Variants in NOX5 observed in about 807,000 individuals in gnomAD.
NOX5 encodes NADPH oxidase, EF-hand calcium binding domain 5.
Under a neutral mutation model 85.7 loss-of-function variants are expected in NOX5, and 76 were observed. The ratio of observed to expected loss-of-function variants is 0.89; its 90% CI spans 0.74 to 1.07. NOX5 has a LOEUF of 1.07. Among genes scored for constraint, NOX5 ranks in the 50% least tolerant of loss-of-function variants. The pLI, the probability that NOX5 is intolerant of heterozygous loss-of-function variation, is 0.00. For missense variants in NOX5, 973 were observed against 999.5 expected, an observed-to-expected ratio of 0.97 and a Z score of 0.36; for synonymous variants, 405 against 401.4, an observed-to-expected ratio of 1.01 and a Z score of -0.11.
At chr15:69,046,704 C>T in intron 10 of NOX5, 118 bp from the exon 11 acceptor site, 1 of 906,542 alleles carries the variant, frequency 1.1e-6, no homozygotes. Flanking sequence ...ATGGTTTGGG[C>T]AGAAAAAGCA....
Position 69,038,986 on chromosome 15 carries a change from A to G in NOX5, c.1501A>G (p.Lys501Glu), listed in dbSNP as rs2050558159. The G allele has an allele frequency of 6.2e-7, 1 of 1,614,088 alleles. No homozygotes were observed. Among genetic ancestry groups the G allele is most frequent in the Non-Finnish European group, 8.5e-7 (1 of 1,180,000 alleles). ...PFTISSAPEQ[K>E]DTIWLHIRSQ... ...CACCATCAGCAGTGCTCCTGAGCAG[A>G]AAGGTAATGGCCACCTCCTCCAGTC... The change falls in exon 9 of 16, where the codon AAA becomes GAA. Residue 501 changes from lysine (K) to glutamate (E), a missense_variant. By Grantham distance (56) the Lys-to-Glu change is moderately conservative. Transcript: ENST00000388866.
intron 1 of NOX5, 46 bp from the exon 2 acceptor site, chr15:69,026,482 G>A (rs775566447): frequency 6.2e-7 from 1 of 1,612,910 alleles, no homozygotes. Context: ...ACCTCATAAG[G>A]CTTTGGCCAC....
At chr15:69,031,116 C>G (rs2140256752) in intron 3 of NOX5, 1 of 191,892 alleles carries the variant, frequency 5.2e-6, no homozygotes, top group East Asian at 1.3e-4. Context: ...TGTGGCCCCT[C>G]TCAAGACAAC....
At chr15:69,041,937 C>T (rs2050599663) in intron 9 of NOX5, among the ~76,000 whole-genome samples, 1 of 151,758 alleles carries the variant, frequency 6.6e-6, no homozygotes, top group South Asian at 2.1e-4. Flanking sequence ...TGGCCCAAGA[C>T]AATTCTTGTA....
chr15:69,055,964 A>C (rs1241416578), intron 15 of NOX5, among the ~76,000 whole-genome samples: 2 of 152,182 alleles, frequency 1.3e-5, no homozygotes, highest in Non-Finnish European at 2.9e-5. Flanking sequence ...GTTTGCAGGA[A>C]GTGGCCCAGA....
At position 69,031,513 on chromosome 15, in the gene NOX5, T is replaced by C. The variant is rs2050429231; in HGVS notation, c.326-5T>C. On this transcript the variant is annotated splice_polypyrimidine_tract_variant and splice_region_variant and intron_variant, in intron 3 of 15. Coordinates refer to ENST00000388866, the MANE Select transcript of NOX5 (RefSeq NM_024505.4). ...TAAACAGAAGAGGCCCACCACTTCTTGCAGTGTGTGCACGGCAGGGGGCGT... is the reference window on the plus strand; with the variant it reads ...TAAACAGAAGAGGCCCACCACTTCTCGCAGTGTGTGCACGGCAGGGGGCGT... 1 of 1,600,032 alleles carries C rather than the reference T, an allele frequency of 6.2e-7. No individual in the cohort carries two copies. The highest frequency in any genetic ancestry group is 1.1e-5 in the South Asian group (1 of 90,860).
At chr15:69,027,062 C>T (rs1219800965) in intron 2 of NOX5, among the ~76,000 whole-genome samples, 2 of 152,106 alleles carry the variant, frequency 1.3e-5, no homozygotes, top group Non-Finnish European at 2.9e-5. Context: ...GCCTGCATGC[C>T]CTGACACACA....
At chr15:69,021,634 C>A (rs1184556765) in intron 1 of NOX5, among the ~76,000 whole-genome samples, 4 of 152,148 alleles carry the variant, frequency 2.6e-5, no homozygotes, top group South Asian at 2.1e-4. Context: ...ATTTTGAATT[C>A]TTAAATAATT....
chr15:69,054,275 C>T (rs2050783476), intron 14 of NOX5, among the ~76,000 whole-genome samples: 1 of 152,206 alleles, frequency 6.6e-6, no homozygotes, highest in East Asian at 1.9e-4. Context: ...CTGGGAGCCC[C>T]TGAGTGCTGA....
At chr15:69,053,975 C>G (rs147110530) in intron 14 of NOX5, among the ~76,000 whole-genome samples, 54 of 152,104 alleles carry the variant, frequency 3.6e-4, no homozygotes, top group African/African-American at 1.1e-3. Flanking sequence ...GACCTTAGGC[C>G]AAATGAAAAA....
rs1292021991 is a variant in NOX5 at position 69,056,863 on chromosome 15, A to G, written c.*167A>G. 8.1e-6 allele frequency: 6 copies of G among 739,644 alleles called. No individual in the cohort carries two copies. Among genetic ancestry groups the G allele is most frequent in the Non-Finnish European group, 1.3e-5 (6 of 476,820 alleles). 45.8% of individuals were successfully genotyped at this position (739,644 alleles called of 1,614,324 possible). On this transcript the variant is annotated 3_prime_UTR_variant, in exon 16 of 16. Coordinates refer to ENST00000388866, the MANE Select transcript of NOX5 (RefSeq NM_024505.4). ...GAGAACAGGAGACCCCAAGGGGCAG[A>G]TGAACTTCCTCTAGAACCCAGGGGA... is the stretch of plus-strand genomic sequence containing the variant.
chr15:69,031,674 T>G lies in NOX5; in HGVS notation c.482T>G (p.Leu161Arg), dbSNP rs775877032. Residue 161 changes from leucine (L) to arginine (R), a missense_variant, in exon 4 of 16, where the codon CTG becomes CGG. Physicochemically the swap from Leu to Arg is moderately radical, Grantham distance 102 (BLOSUM62 -2). Coordinates refer to ENST00000388866, the MANE Select transcript of NOX5 (RefSeq NM_024505.4). Reference sequence around the variant, plus strand: ...TGTCTGCGCGAGAGCGCCATCTCGCTGCCTGACGAGAAGCTGGACCAGCTG... The same window carrying G: ...TGTCTGCGCGAGAGCGCCATCTCGCGGCCTGACGAGAAGCTGGACCAGCTG... ...QSCLRESAIS[L>R]PDEKLDQLTL... is the part of the protein sequence containing the mutation. 49 of 1,613,260 alleles carry G rather than the reference T, an allele frequency of 3.0e-5. No homozygotes were observed. The South Asian group carries it at 4.7e-4, about 16-fold the overall frequency.
At chr15:69,032,965 G>GA in intron 4 of NOX5, 78 bp from the exon 5 acceptor site, 1 of 1,506,614 alleles carries the variant, frequency 6.6e-7, no homozygotes, top group Non-Finnish European at 8.7e-7. Flanking sequence ...GCCATAGCTT[G>GA]AAGGGGGTCT....
At chr15:69,044,871 A>T (rs2050642426) in intron 10 of NOX5, among the ~76,000 whole-genome samples, 1 of 152,262 alleles carries the variant, frequency 6.6e-6, no homozygotes, top group Non-Finnish European at 1.5e-5. Context: ...CAGAGTGTAC[A>T]GCCCCCACTC....
rs764548905 is a variant in NOX5 at position 69,033,137 on chromosome 15, C to T, written c.715C>T (p.Leu239=). ...CTACTGGCACAACCACCGCAGCCAG[C>T]TGTTCTGCCTGGCCACCTATGCAGG... The part of the protein sequence containing the change: ...RAYWHNHRSQ[L]FCLATYAGLH... The change falls in exon 5 of 16, where the codon CTG becomes TTG. Residue 239 remains leucine (L), a synonymous_variant. Coordinates refer to ENST00000388866, the MANE Select transcript of NOX5 (RefSeq NM_024505.4). The T allele has an allele frequency of 6.4e-7, 1 of 1,569,604 alleles. No individual in the cohort carries two copies. The highest frequency in any genetic ancestry group is 1.1e-5 in the South Asian group (1 of 87,130).
At chr15:69,046,630 G>C (rs551671339) in intron 10 of NOX5, among the ~76,000 whole-genome samples, 192 bp from the exon 11 acceptor site, 1 of 152,232 alleles carries the variant, frequency 6.6e-6, no homozygotes, top group East Asian at 1.9e-4. Flanking sequence ...TTATCCCTTC[G>C]CCAGAAGTCA....
chr15:69,034,978 C>T (rs2050492228), intron 5 of NOX5, among the ~76,000 whole-genome samples: 1 of 152,072 alleles, frequency 6.6e-6, no homozygotes, highest in African/African-American at 2.4e-5. Context: ...GTTGCCCAGG[C>T]TGGTCTCAAA....
Position 69,047,338 on chromosome 15 carries a change from T to G in NOX5, c.1693-75T>G, listed in dbSNP as rs1595787568. Reference sequence around the variant, plus strand: ...ATATATAAAGGGGGTTCTGAAGCCCTGGGGACATCCCCTGGTAGCAGGGGA... The same window carrying G: ...ATATATAAAGGGGGTTCTGAAGCCCGGGGGACATCCCCTGGTAGCAGGGGA... On this transcript the variant is annotated intron_variant, in intron 11 of 15. Coordinates refer to ENST00000388866, the MANE Select transcript of NOX5 (RefSeq NM_024505.4). The G allele has an allele frequency of 2.7e-6, 4 of 1,485,474 alleles. No individual in the cohort carries two copies. In the East Asian group the frequency reaches 9.5e-5, roughly 35 times the overall value. 92.0% of individuals were successfully genotyped at this position (1,485,474 alleles called of 1,614,324 possible).
intron 3 of NOX5, chr15:69,030,920 G>C (rs1476089323): frequency 6.6e-6 from 1 of 152,406 alleles, no homozygotes; most frequent in Non-Finnish European, 1.5e-5. Context: ...GGCAGGAGCA[G>C]GATGCCACAC....
Sources: allele counts gnomAD v4.1 joint callset (sites outside exome capture counted in the v4.1 genomes callset), GRCh38; gene constraint gnomAD v4.1.1; transcripts MANE v1.5; gene names NCBI Gene and HGNC (gene_info 2026-07-23, HGNC 2026-07-21).